Variants in VPS53 observed in about 807,000 individuals in gnomAD.
VPS53 encodes VPS53 subunit of GARP complex.
A neutral mutation model predicts 107.0 loss-of-function variants in VPS53; 70 were observed. The observed-to-expected ratio is 0.65, with a 90% confidence interval of 0.54 to 0.80. The LOEUF (loss-of-function observed/expected upper bound fraction) is 0.80. Ranked by LOEUF, VPS53 falls within the 30% of genes least tolerant of loss-of-function variation. The pLI, the probability that VPS53 is intolerant of heterozygous loss-of-function variation, is 0.00. For missense variants in VPS53, 917 were observed against 1,049.4 expected (o/e 0.87, Z 1.74); for synonymous variants, 409 against 393.3 (o/e 1.04, Z -0.47).
At chr17:704,100 A>G (rs755234474) in intron 2 of VPS53, among the ~76,000 whole-genome samples, 3 of 152,178 alleles carry the variant, frequency 2.0e-5, no homozygotes, top group Non-Finnish European at 4.4e-5. Context: ...TTAGTTTTGT[A>G]TTAGTTTTCC....
chr17:625,628 T>C (rs9906432), intron 10 of VPS53, among the ~76,000 whole-genome samples: 47,084 of 152,058 alleles, frequency 0.31, 9,140 homozygotes, highest in African/African-American at 0.54. Flanking sequence ...GTGCCGACCA[T>C]GGGGAAGACT....
At chr17:594,183 T>C (rs1166508252) in intron 12 of VPS53, among the ~76,000 whole-genome samples, 1 of 152,068 alleles carries the variant, frequency 6.6e-6, no homozygotes, top group African/African-American at 2.4e-5. Flanking sequence ...GGGGGAGGGA[T>C]AGCACTGGGA....
rs1181049309 is a variant in VPS53, at chr17:635,808, T to C, written c.609-4180A>G. Reference sequence around the variant, plus strand: ...TGTTTTGGTTACTATAGCCTTGTAGTATAGTTTGAAGTCAGGTAGCATGAT... The same window carrying C: ...TGTTTTGGTTACTATAGCCTTGTAGCATAGTTTGAAGTCAGGTAGCATGAT... On this transcript the variant is annotated intron_variant, in intron 7 of 21. Transcript: ENST00000437048. 9.8e-5 allele frequency among the ~76,000 whole-genome samples: 15 copies of C among 152,338 alleles called. No individual in the cohort carries two copies. In the East Asian group the frequency reaches 2.9e-3, roughly 29 times the overall value.
At chr17:581,389 G>A (rs921783681) in intron 13 of VPS53, among the ~76,000 whole-genome samples, 2 of 150,948 alleles carry the variant, frequency 1.3e-5, no homozygotes, top group African/African-American at 4.9e-5. Context: ...AGAACCCTGA[G>A]GTCACAGAGG....
At chr17:651,335 G>A (rs558005400) in intron 7 of VPS53, among the ~76,000 whole-genome samples, 11 of 152,220 alleles carry the variant, frequency 7.2e-5, no homozygotes, top group Non-Finnish European at 1.5e-4. Context: ...AATAGAAGAT[G>A]TGGAACCAGG....
chr17:573,512 C>T (rs896105053), intron 13 of VPS53, among the ~76,000 whole-genome samples: 1 of 152,158 alleles, frequency 6.6e-6, no homozygotes, highest in African/African-American at 2.4e-5. Context: ...CCATGCCAGG[C>T]TCAAGAGAAA....
At chr17:522,022 G>C (rs1208687502) in intron 19 of VPS53, among the ~76,000 whole-genome samples, 1 of 152,194 alleles carries the variant, frequency 6.6e-6, no homozygotes, top group Non-Finnish European at 1.5e-5. Context: ...AGGAGGGCCA[G>C]GCAGCAGGAT....
chr17:594,532 C>T (rs1287645330), intron 12 of VPS53, among the ~76,000 whole-genome samples: 3 of 147,412 alleles, frequency 2.0e-5, no homozygotes, highest in Admixed American at 6.7e-5. Flanking sequence ...CTCTAGTGTC[C>T]CCCCTGGAGG....
At position 524,096 on chromosome 17, in the gene VPS53, C is replaced by T. The variant is rs1013339661; in HGVS notation, c.2086-2358G>A. Among the ~76,000 whole-genome samples the T allele has an allele frequency of 6.6e-6, 1 of 151,952 alleles. No individual in the cohort carries two copies. Among genetic ancestry groups the T allele is most frequent in the Non-Finnish European group, 1.5e-5 (1 of 67,992 alleles). On this transcript the variant is annotated intron_variant, in intron 19 of 21. Transcript: ENST00000437048. The surrounding 1 kb of genome is among the most constrained non-coding windows in gnomAD (Gnocchi z 4.5). ...GGTGGATCATCTGAGGTCAGGAGTT[C>T]GAGACCAGCCTGGCCAACATGGAGA...
At chr17:668,035 C>A (rs1971770005) in intron 4 of VPS53, among the ~76,000 whole-genome samples, 1 of 152,190 alleles carries the variant, frequency 6.6e-6, no homozygotes, top group East Asian at 1.9e-4. Flanking sequence ...TTCCAAAAAA[C>A]TGCTCGCTGG....
At position 577,607 on chromosome 17, in the gene VPS53, C is replaced by T. The variant is rs558881817; in HGVS notation, c.1313+8663G>A. Among the ~76,000 whole-genome samples, 10 of 151,292 alleles carry T rather than the reference C, an allele frequency of 6.6e-5. No homozygotes were observed. The East Asian group carries it at 2.0e-3, about 30-fold the overall frequency. ...AACCTAATGCATTCCCAAAGAACTT[C>T]CTTTAGGACCTCAATGCGTTCCCAG... On this transcript the variant is annotated intron_variant, in intron 13 of 21. Transcript: ENST00000437048.
At chr17:545,366 C>T (rs981328901) in intron 17 of VPS53, among the ~76,000 whole-genome samples, 1 of 152,188 alleles carries the variant, frequency 6.6e-6, no homozygotes, top group Admixed American at 6.5e-5. Context: ...TCTCTTCAAT[C>T]GGCTCCAGGA....
At chr17:694,833 T>C (rs1277462208) in intron 4 of VPS53, among the ~76,000 whole-genome samples, 1 of 152,138 alleles carries the variant, frequency 6.6e-6, no homozygotes, top group Non-Finnish European at 1.5e-5. Context: ...GGCGGCACCA[T>C]TACAGCTCAC....
rs566369208 is a variant in VPS53, at chr17:692,175, G to A, written c.285+5243C>T. Among the ~76,000 whole-genome samples the A allele has an allele frequency of 2.1e-3, 320 of 152,154 alleles. 1 individual carries two copies. Among genetic ancestry groups the A allele is most frequent in the Non-Finnish European group, 3.8e-3 (257 of 67,992 alleles). ...GCCACTCTTGAAACTTCCCACTGCC[G>A]GCTTTTTCTTCCTCTAACCCGCCCC... On this transcript the variant is annotated intron_variant, in intron 4 of 21. Transcript: ENST00000437048.
intron 11 of VPS53, among the ~76,000 whole-genome samples, chr17:606,270 G>T (rs974691274): frequency 6.6e-6 from 1 of 152,100 alleles, no homozygotes; most frequent in East Asian, 1.9e-4. Flanking sequence ...AACTGAGATG[G>T]GGCACCCTCG....
intron 13 of VPS53, among the ~76,000 whole-genome samples, chr17:578,249 C>T (rs931219804): frequency 1.1e-4 from 16 of 151,468 alleles, no homozygotes; most frequent in Non-Finnish European, 7.4e-5. Context: ...TCCCAGAGAT[C>T]CTCCCTCAGA....
At chr17:538,169 G>A (rs1034412359) in intron 17 of VPS53, 3 of 152,308 alleles carry the variant, frequency 2.0e-5, no homozygotes, top group Non-Finnish European at 4.4e-5. Context: ...ACAGAAGGAG[G>A]CAATGCTGCA....
intron 12 of VPS53, among the ~76,000 whole-genome samples, chr17:593,733 T>C (rs1967804720): frequency 1.3e-5 from 2 of 152,306 alleles, no homozygotes; most frequent in East Asian, 1.9e-4. Context: ...AGTTCAACCA[T>C]TGTGGAAGTC....
In VPS53 at chr17:714,651, G is replaced by A. The variant is rs1287668941; in HGVS notation, c.59C>T (p.Thr20Met). Residue 20 changes from threonine to methionine, a missense_variant, in exon 1 of 22, where the codon ACG (threonine) becomes ATG (methionine). Thr to Met is a moderately conservative substitution (Grantham distance 81). Coordinates refer to ENST00000437048, the MANE Select transcript of VPS53 (RefSeq NM_001128159.3). The part of the protein sequence containing the change: ...VEELEAVLQL[T>M]PEVQLAIEQV... ...CTCGATGGCCAGCTGCACCTCGGGC[G>A]TGAGCTGCAGCACGGCTTCCAGCTC... 3 of 1,612,722 alleles carry A rather than the reference G, an allele frequency of 1.9e-6. No individual in the cohort carries two copies. Among genetic ancestry groups the A allele is most frequent in the Non-Finnish European group, 2.5e-6 (3 of 1,179,420 alleles).
Sources: gnomAD v4.1 joint callset for allele counts (sites outside exome capture counted in the v4.1 genomes callset) on GRCh38, gnomAD v4.1.1 for gene constraint, Gnocchi (gnomAD v3.1) non-coding constraint, MANE v1.5 for transcripts, NCBI Gene and HGNC (gene_info 2026-07-23, HGNC 2026-07-21) for gene names.